The following EBF2 variants were observed in gnomAD, a reference collection of about 807,000 sequenced individuals.
EBF2 encodes EBF transcription factor 2.
EBF2 carries 21 observed loss-of-function variants against 72.8 expected under a neutral mutation model. The ratio of observed to expected loss-of-function variants is 0.29; its 90% CI spans 0.20 to 0.42. The LOEUF (loss-of-function observed/expected upper bound fraction) is 0.42, where lower values mean the gene tolerates loss of function less well. Among genes scored for constraint, EBF2 ranks in the 10% least tolerant of loss-of-function variants. The probability of loss-of-function intolerance (pLI) is 1.00; values close to 1 mark genes in which losing one functional copy is unlikely to be tolerated. For synonymous variants in EBF2, 299 were observed against 274.2 expected, an observed-to-expected ratio of 1.09 and a Z score of -0.89; for missense variants, 637 against 731.2, an observed-to-expected ratio of 0.87 and a Z score of 1.49.
At chr8:25,898,837 G>A (rs529305561) in intron 7 of EBF2, among the ~76,000 whole-genome samples, 2 of 152,268 alleles carry the variant, frequency 1.3e-5, no homozygotes, top group East Asian at 3.9e-4. Context: ...CTTATTGCAG[G>A]ACTAAGAACA....
chr8:25,997,158 G>T (rs112751886), intron 6 of EBF2, among the ~76,000 whole-genome samples: 1 of 152,096 alleles, frequency 6.6e-6, no homozygotes, highest in Non-Finnish European at 1.5e-5. Flanking sequence ...ACTCCCTACC[G>T]CCCACTCTGT....
chr8:25,875,938 T>G (rs886372194), intron 10 of EBF2, among the ~76,000 whole-genome samples: 3 of 152,144 alleles, frequency 2.0e-5, no homozygotes, highest in African/African-American at 7.2e-5. Context: ...TATAAATCAT[T>G]CTATTATAAA....
At chr8:25,847,911 T>TG in intron 15 of EBF2, among the ~76,000 whole-genome samples, 1 of 152,314 alleles carries the variant, frequency 6.6e-6, no homozygotes, top group East Asian at 1.9e-4. Flanking sequence ...AGACTACATA[T>TG]GGGGTACAGT....
At chr8:25,950,518 T>C (rs1327627319) in intron 6 of EBF2, among the ~76,000 whole-genome samples, 1 of 152,238 alleles carries the variant, frequency 6.6e-6, no homozygotes, top group Non-Finnish European at 1.5e-5. Flanking sequence ...CACTGGCCAC[T>C]GCCTTGAGAA....
intron 6 of EBF2, among the ~76,000 whole-genome samples, chr8:25,994,761 G>A (rs1201838326): frequency 2.0e-5 from 3 of 152,076 alleles, no homozygotes; most frequent in Non-Finnish European, 4.4e-5. Flanking sequence ...CACAAATAAG[G>A]GAACAACAGA....
intron 2 of EBF2, 95 bp downstream of exon 2, chr8:26,042,000 G>A: frequency 6.6e-7 from 1 of 1,519,520 alleles, no homozygotes; most frequent in Non-Finnish European, 9.0e-7. Context: ...GATGGTGAGA[G>A]TGGAAAAGTG....
intron 6 of EBF2, among the ~76,000 whole-genome samples, chr8:26,018,529 G>A (rs1309744104): frequency 6.6e-6 from 1 of 150,980 alleles, no homozygotes; most frequent in South Asian, 2.1e-4. Flanking sequence ...AAATTAGCCG[G>A]GCGTGGTGTC....
At chr8:26,000,262 G>A (rs150473422) in intron 6 of EBF2, among the ~76,000 whole-genome samples, 1 of 152,084 alleles carries the variant, frequency 6.6e-6, no homozygotes, top group African/African-American at 2.4e-5. Flanking sequence ...CCACAGTTTG[G>A]CTTGCTCCAT....
At chr8:26,004,005 C>T (rs146905450) in intron 6 of EBF2, among the ~76,000 whole-genome samples, 2 of 152,052 alleles carry the variant, frequency 1.3e-5, no homozygotes, top group East Asian at 3.9e-4. Flanking sequence ...TTAGGAGAGG[C>T]GTTGTCCTTC....
intron 5 of EBF2, among the ~76,000 whole-genome samples, chr8:26,039,592 C>A (rs1341389956): frequency 6.6e-6 from 1 of 152,220 alleles, no homozygotes; most frequent in South Asian, 2.1e-4. Context: ...GCCGCTGGAC[C>A]CTCTGGTGGT....
rs986508480 is a variant in EBF2 at position 26,045,346 on chromosome 8, T to C, written c.-487A>G. 6.6e-6 allele frequency: 1 copy of C among 151,290 alleles called. No homozygotes were observed. Among genetic ancestry groups the C allele is most frequent in the Non-Finnish European group, 1.5e-5 (1 of 68,028 alleles). 9.4% of individuals were successfully genotyped at this position (151,290 alleles called of 1,614,324 possible). On this transcript the variant is annotated 5_prime_UTR_variant, in exon 1 of 16. Transcript: ENST00000520164. ...AAGACCTGGAGCCGAGAGGAGGCGG[T>C]GGCTGCGAGCGCCACGGAGCCCGGC...
intron 6 of EBF2, among the ~76,000 whole-genome samples, chr8:26,017,323 A>T (rs1805127544): frequency 6.6e-6 from 1 of 152,206 alleles, no homozygotes; most frequent in African/African-American, 2.4e-5. Flanking sequence ...GAAAGAGAGC[A>T]GCCTTACAGT....
chr8:25,971,543 G>T (rs1225066438), intron 6 of EBF2, among the ~76,000 whole-genome samples: 1 of 152,120 alleles, frequency 6.6e-6, no homozygotes, highest in Non-Finnish European at 1.5e-5. Flanking sequence ...TTGGTAGGAG[G>T]GCCCAGAAGG....
intron 7 of EBF2, among the ~76,000 whole-genome samples, chr8:25,899,372 G>A (rs983120553): frequency 6.6e-6 from 1 of 151,852 alleles, no homozygotes; most frequent in Non-Finnish European, 1.5e-5. Flanking sequence ...TCCATTATGT[G>A]CTTTAAAACT....
At position 25,989,676 on chromosome 8, in the gene EBF2, T is replaced by G. The variant is rs546950749; in HGVS notation, c.551+43409A>C. On this transcript the variant is annotated intron_variant, in intron 6 of 15. Coordinates refer to ENST00000520164, the MANE Select transcript of EBF2 (RefSeq NM_022659.4). ...TAGTTTAAATTTCTGACCCTGTCTCTTTCCAGTATGCCTGCAATTGAAAGA... is the reference window on the plus strand; with the variant it reads ...TAGTTTAAATTTCTGACCCTGTCTCGTTCCAGTATGCCTGCAATTGAAAGA... Among the ~76,000 whole-genome samples the G allele has an allele frequency of 8.5e-5, 13 of 152,362 alleles. No homozygotes were observed. In the South Asian group the frequency reaches 2.7e-3, roughly 32 times the overall value.
chr8:26,018,496 C>CAA (rs10555042), intron 6 of EBF2, among the ~76,000 whole-genome samples: 72 of 81,602 alleles, frequency 8.8e-4, no homozygotes, highest in African/African-American at 2.4e-3. Context: ...ACTAAAAATA[C>CAA]AAAAAAAAAA....
chr8:25,887,991 A>C lies in EBF2; in HGVS notation c.752-19T>G, dbSNP rs1802719758. ...GGGGTAGCTAAGAAGACAGGAAAGAAAAAGTCAGGTTTGTTCTTTCATGGG... is the reference window on the plus strand; with the variant it reads ...GGGGTAGCTAAGAAGACAGGAAAGACAAAGTCAGGTTTGTTCTTTCATGGG... On this transcript the variant is annotated intron_variant, in intron 8 of 15. Transcript: ENST00000520164. The C allele has an allele frequency of 6.3e-7, 1 of 1,594,458 alleles. No individual in the cohort carries two copies. Among genetic ancestry groups the C allele is most frequent in the Non-Finnish European group, 8.5e-7 (1 of 1,171,556 alleles).
intron 6 of EBF2, among the ~76,000 whole-genome samples, chr8:25,913,239 G>A (rs1013008087): frequency 5.9e-5 from 9 of 152,154 alleles, no homozygotes; most frequent in East Asian, 1.9e-4. Context: ...TCAAGAGATC[G>A]AGACCATCCT....
intron 6 of EBF2, among the ~76,000 whole-genome samples, chr8:26,007,813 TACACACACAC>T (rs762824229): frequency 1.3e-5 from 2 of 149,416 alleles, no homozygotes; most frequent in Non-Finnish European, 3.0e-5. Context: ...CACACACACA[TACACACACAC>T]ACACTACAGA....
Sources: gnomAD v4.1 joint callset for allele counts (sites outside exome capture counted in the v4.1 genomes callset) on GRCh38, gnomAD v4.1.1 for gene constraint, MANE v1.5 for transcripts, NCBI Gene and HGNC (gene_info 2026-07-23, HGNC 2026-07-21) for gene names.